Variants in SPTB observed in about 807,000 individuals in gnomAD.
SPTB encodes the protein spectrin beta chain, erythrocytic.
SPTB carries 45 observed loss-of-function variants against 256.2 expected under a neutral mutation model. That is an observed-to-expected ratio of 0.18 (90% CI 0.14 to 0.23). The LOEUF (loss-of-function observed/expected upper bound fraction) is 0.23, where lower values mean the gene tolerates loss of function less well. Ranked by LOEUF, SPTB falls within the 10% of genes least tolerant of loss-of-function variation. SPTB has a pLI of 1.00. For missense variants in SPTB, 2,715 were observed against 3,040.4 expected, an observed-to-expected ratio of 0.89 and a Z score of 2.52; for synonymous variants, 1,231 against 1,243.1, an observed-to-expected ratio of 0.99 and a Z score of 0.21.
rs1356465140 is a variant in SPTB at position 64,772,583 on chromosome 14, G to A, written c.5550C>T (p.Val1850=). The change falls in exon 26 of 36, where the codon GTC becomes GTT. Residue 1850 remains valine (V), a synonymous_variant. Coordinates refer to ENST00000644917, the MANE Select transcript of SPTB (RefSeq NM_001355436.2). The surrounding 1 kb of genome is among the most constrained non-coding windows in gnomAD (Gnocchi z 5.4). ...AFERELHLLG[V]QVQQFQDVAT... Reference sequence around the variant, plus strand: ...GGCGGCAGGGGGCTGAAGGTACCTGGACACCCAGCAGGTGGAGCTCCCGCT... The same window carrying A: ...GGCGGCAGGGGGCTGAAGGTACCTGAACACCCAGCAGGTGGAGCTCCCGCT... 1 of 1,606,558 alleles carries A rather than the reference G, an allele frequency of 6.2e-7. No individual in the cohort carries two copies. Among genetic ancestry groups the A allele is most frequent in the African/African-American group, 1.3e-5 (1 of 75,056 alleles).
At chr14:64,813,153 T>C (rs2083122651) in intron 2 of SPTB, among the ~76,000 whole-genome samples, 1 of 152,334 alleles carries the variant, frequency 6.6e-6, no homozygotes, top group East Asian at 1.9e-4. Context: ...CTCTGTTTTC[T>C]AAAATATTTG....
intron 13 of SPTB, 135 bp from the exon 14 acceptor site, chr14:64,794,002 G>C (rs779640496): frequency 1.6e-5 from 12 of 743,850 alleles, no homozygotes; most frequent in Non-Finnish European, 2.6e-5. Context: ...TTGGATGCAG[G>C]GGGGTCCCAG....
At chr14:64,769,869 T>A in intron 27 of SPTB, 141 bp from the exon 28 acceptor site, 1 of 1,127,942 alleles carries the variant, frequency 8.9e-7, no homozygotes. Context: ...AGCCAGGGGG[T>A]CCTCCGCCAG....
chr14:64,797,190 A>G (rs1426558043), intron 10 of SPTB, among the ~76,000 whole-genome samples: 1 of 152,144 alleles, frequency 6.6e-6, no homozygotes, highest in Non-Finnish European at 1.5e-5. Flanking sequence ...ATGGACTCGG[A>G]GGCTGGGTGT....
At chr14:64,859,115 G>T (rs1324263068) in intron 1 of SPTB, among the ~76,000 whole-genome samples, 1 of 149,876 alleles carries the variant, frequency 6.7e-6, no homozygotes, top group Non-Finnish European at 1.5e-5. Flanking sequence ...TTAGCCAGAC[G>T]TGGTGGCACG....
Position 64,767,172 on chromosome 14 carries a change from C to T in SPTB, c.6269+131G>A, listed in dbSNP as rs59528004. On this transcript the variant is annotated intron_variant, in intron 31 of 35. Coordinates refer to ENST00000644917, the MANE Select transcript of SPTB (RefSeq NM_001355436.2). ...TGCGCTCATGCTCAGGCACTCTGGG[C>T]CTTCCTGACGAGGGTGCCCAGTGTG... The T allele has an allele frequency of 0.014, 16,499 of 1,217,904 alleles. 1,565 individuals are homozygous for T. In the African/African-American group the frequency reaches 0.21, roughly 16 times the overall value. The allele number at this position is 1,217,904 out of a possible 1,614,324, so 75.4% of individuals were successfully genotyped here.
Position 64,852,209 on chromosome 14 carries a change from C to G in SPTB, c.-52+27583G>C, listed in dbSNP as rs555125349. The stretch of plus-strand genomic sequence containing the variant: ...ATCAGAGCTGAGCCTTTGGGAGGAA[C>G]AGGAGTTATCCAGGCACACTTGGGG... On this transcript the variant is annotated intron_variant, in intron 1 of 35. Coordinates refer to ENST00000644917, the MANE Select transcript of SPTB (RefSeq NM_001355436.2). This position sits in a 1 kb window ranked among gnomAD's most constrained non-coding sequence, Gnocchi z 4.2. Among the ~76,000 whole-genome samples, 1 of 152,046 alleles carries G rather than the reference C, an allele frequency of 6.6e-6. No homozygotes were observed. Among genetic ancestry groups the G allele is most frequent in the Non-Finnish European group, 1.5e-5 (1 of 68,024 alleles).
intron 1 of SPTB, among the ~76,000 whole-genome samples, chr14:64,865,714 C>T (rs1385967619): frequency 6.6e-6 from 1 of 152,198 alleles, no homozygotes; most frequent in African/African-American, 2.4e-5. Context: ...GGCAAAGTGA[C>T]TTCGCACAGC....
intron 2 of SPTB, among the ~76,000 whole-genome samples, chr14:64,815,827 G>T (rs1203768206): frequency 6.6e-6 from 1 of 152,192 alleles, no homozygotes; most frequent in Non-Finnish European, 1.5e-5. Context: ...GAGCTAGAAG[G>T]GCTTTGGGCG....
At chr14:64,868,042 C>T (rs1026365379) in intron 1 of SPTB, among the ~76,000 whole-genome samples, 1 of 152,068 alleles carries the variant, frequency 6.6e-6, no homozygotes, top group Non-Finnish European at 1.5e-5. Flanking sequence ...GAGGTCGGAA[C>T]AGATTGTGGA....
rs1041400787 is a variant in SPTB, at chr14:64,823,151, G to A, written c.-51-6C>T. ...CAGTCTTCATGGAAGGATCCCTGGG[G>A]GACAGCAACACAGTCAGAGGGTTAT... On this transcript the variant is annotated splice_region_variant and splice_polypyrimidine_tract_variant and intron_variant, in intron 1 of 35. Transcript: ENST00000644917. This position sits in a 1 kb window ranked among gnomAD's most constrained non-coding sequence, Gnocchi z 6.5. 3 of 1,606,000 alleles carry A rather than the reference G, an allele frequency of 1.9e-6. No homozygotes were observed. In the Admixed American group the frequency reaches 5.0e-5, roughly 27 times the overall value.
At chr14:64,808,311 C>T (rs1226551304) in intron 2 of SPTB, among the ~76,000 whole-genome samples, 1 of 152,066 alleles carries the variant, frequency 6.6e-6, no homozygotes, top group African/African-American at 2.4e-5. Context: ...CGTGCATGGC[C>T]CTCTCTGTTC....
At chr14:64,782,965 C>T (rs1566754829) in intron 19 of SPTB, among the ~76,000 whole-genome samples, 1 of 152,132 alleles carries the variant, frequency 6.6e-6, no homozygotes, top group East Asian at 1.9e-4. Flanking sequence ...CTCAGGGAGA[C>T]CGCAGCATGG....
intron 8 of SPTB, among the ~76,000 whole-genome samples, chr14:64,800,396 C>CT (rs2139623592): frequency 6.6e-6 from 1 of 152,338 alleles, no homozygotes; most frequent in African/African-American, 2.4e-5. Context: ...GCATGAGGGT[C>CT]TATACCAATG....
rs2082350057 is a variant in SPTB, at chr14:64,775,955, C to T, written c.4564-552G>A. Reference sequence around the variant, plus strand: ...TCTCAGCTTTTGTTTTTCCCTACTTCTATTTCTCATATTTTTGTGAGCTTT... The same window carrying T: ...TCTCAGCTTTTGTTTTTCCCTACTTTTATTTCTCATATTTTTGTGAGCTTT... On this transcript the variant is annotated intron_variant, in intron 22 of 35. Transcript: ENST00000644917. This position sits in a 1 kb window ranked among gnomAD's most constrained non-coding sequence, Gnocchi z 5.0. Among the ~76,000 whole-genome samples, 2 of 152,190 alleles carry T rather than the reference C, an allele frequency of 1.3e-5. No individual in the cohort carries two copies. The highest frequency in any genetic ancestry group is 1.3e-4 in the Admixed American group (2 of 15,280).
chr14:64,796,845 G>T lies in SPTB; in HGVS notation c.1183-130C>A. On this transcript the variant is annotated intron_variant, in intron 10 of 35. Coordinates refer to ENST00000644917, the MANE Select transcript of SPTB (RefSeq NM_001355436.2). The surrounding 1 kb of genome is among the most constrained non-coding windows in gnomAD (Gnocchi z 4.1). ...ACAGCCTGATGCTCTTGGGTGACGTGGTAGCAGATTAAAGATCAATAAAAG... is the reference window on the plus strand; with the variant it reads ...ACAGCCTGATGCTCTTGGGTGACGTTGTAGCAGATTAAAGATCAATAAAAG... 1 of 1,215,716 alleles carries T rather than the reference G, an allele frequency of 8.2e-7. No homozygotes were observed. Among genetic ancestry groups the T allele is most frequent in the Non-Finnish European group, 1.2e-6 (1 of 848,468 alleles). 75.3% of individuals were successfully genotyped at this position (1,215,716 alleles called of 1,614,324 possible). A position where few individuals can be genotyped will look rare whatever the true frequency, so the allele number is the denominator to read the frequency against.
intron 1 of SPTB, among the ~76,000 whole-genome samples, chr14:64,831,711 T>A (rs979141115): frequency 2.6e-5 from 4 of 152,204 alleles, no homozygotes; most frequent in Admixed American, 6.5e-5. Flanking sequence ...AGGCATTGAT[T>A]GTGGTGGCGG....
chr14:64,748,615 G>T lies in SPTB; in HGVS notation c.*691C>A, dbSNP rs74058208. The T allele has an allele frequency of 9.4e-3, 1,435 of 152,832 alleles. 24 individuals carry two copies. The highest frequency in any genetic ancestry group is 0.033 in the African/African-American group (1,360 of 41,590). The allele number at this position is 152,832 out of a possible 1,614,324, so 9.5% of individuals were successfully genotyped here. On this transcript the variant is annotated 3_prime_UTR_variant, in exon 36 of 36. Coordinates refer to ENST00000644917, the MANE Select transcript of SPTB (RefSeq NM_001355436.2). ...GGGAGGGTACCCTTTGATCTGGGGG[G>T]AGAAGCAGAGAGGAGGGATGTGGTG...
intron 1 of SPTB, among the ~76,000 whole-genome samples, chr14:64,833,171 G>T (rs74056067): frequency 6.6e-6 from 1 of 152,152 alleles, no homozygotes; most frequent in African/African-American, 2.4e-5. Flanking sequence ...TGCACATGCT[G>T]TTTCCTAAGC....
Sources: allele counts gnomAD v4.1 joint callset (sites outside exome capture counted in the v4.1 genomes callset), GRCh38; gene constraint gnomAD v4.1.1; non-coding constraint Gnocchi (gnomAD v3.1); transcripts MANE v1.5; gene names NCBI Gene and HGNC (gene_info 2026-07-23, HGNC 2026-07-21).